Variants in LCP1 observed in about 807,000 individuals in gnomAD.
LCP1 encodes the protein lymphocyte cytosolic protein 1, also known as plastin-2.
Under a neutral mutation model 72.0 loss-of-function variants are expected in LCP1, and 23 were observed. The observed-to-expected ratio is 0.32, with a 90% CI of 0.23 to 0.45. LCP1 has a LOEUF of 0.45. Among genes scored for constraint, LCP1 ranks in the 20% least tolerant of loss-of-function variants. The pLI, the probability that LCP1 is intolerant of heterozygous loss-of-function variation, is 1.00. For missense variants in LCP1, 571 were observed against 748.3 expected, an observed-to-expected ratio of 0.76 and a Z score of 2.76; for synonymous variants, 245 against 275.4, an observed-to-expected ratio of 0.89 and a Z score of 1.09.
In LCP1 at chr13:46,156,448, T is replaced by C. The variant is rs2045801522; in HGVS notation, c.481A>G (p.Ile161Val). ...AGAAGTATTATTTACCAAAGGACAA[T>C]GCCATCTCCAACAGCATTAAAGAGA... ...NDLFNAVGDG[I>V]VLCKMINLSV... Residue 161 changes from isoleucine (I) to valine (V), a missense_variant, in exon 5 of 16, where the codon ATT (isoleucine) becomes GTT (valine). By Grantham distance (29) the Ile-to-Val change is conservative. Transcript: ENST00000323076. The C allele has an allele frequency of 6.2e-7, 1 of 1,613,766 alleles. No individual in the cohort carries two copies.
intron 8 of LCP1, among the ~76,000 whole-genome samples, chr13:46,149,205 C>A (rs182018492): frequency 7.9e-5 from 12 of 152,088 alleles, no homozygotes; most frequent in East Asian, 1.9e-4. Flanking sequence ...TCATAAAGAT[C>A]GAAAAATCAG....
chr13:46,178,289 C>T (rs982909270), intron 1 of LCP1, among the ~76,000 whole-genome samples: 1 of 152,078 alleles, frequency 6.6e-6, no homozygotes, highest in African/African-American at 2.4e-5. Context: ...CATCCCCCAC[C>T]GATATCTTAC....
At chr13:46,179,998 GCT>G (rs35686464) in intron 1 of LCP1, among the ~76,000 whole-genome samples, 9,291 of 149,720 alleles carry the variant, frequency 0.062, 383 homozygotes, top group African/African-American at 0.071. Context: ...TCTTTCTCTT[GCT>G]CTCTCTCTTT....
At chr13:46,176,098 C>T (rs2045928082) in intron 1 of LCP1, among the ~76,000 whole-genome samples, 2 of 152,032 alleles carry the variant, frequency 1.3e-5, no homozygotes, top group African/African-American at 4.8e-5. Flanking sequence ...TGTTTAGATA[C>T]AAAATTATAG....
intron 9 of LCP1, 119 bp downstream of exon 9, chr13:46,148,233 G>T: frequency 1.5e-6 from 1 of 669,804 alleles, no homozygotes; most frequent in Non-Finnish European, 2.6e-6. Context: ...CGTTTTAACA[G>T]GGCTTTAGGC....
intron 14 of LCP1, among the ~76,000 whole-genome samples, 199 bp downstream of exon 14, chr13:46,133,928 C>T (rs542318094): frequency 6.6e-6 from 1 of 151,998 alleles, no homozygotes; most frequent in African/African-American, 2.4e-5. Flanking sequence ...TTATGATTAA[C>T]TTATGGGAGA....
intron 7 of LCP1, among the ~76,000 whole-genome samples, chr13:46,152,076 T>C (rs1207604224): frequency 6.6e-6 from 1 of 152,244 alleles, no homozygotes. Flanking sequence ...TTTGGTATAC[T>C]TATCTTGGTA....
At chr13:46,136,645 G>A (rs1566434429) in intron 13 of LCP1, among the ~76,000 whole-genome samples, 1 of 152,048 alleles carries the variant, frequency 6.6e-6, no homozygotes, top group Non-Finnish European at 1.5e-5. Context: ...TCTTCATAAA[G>A]GTTACATTTT....
chr13:46,134,609 T>C lies in LCP1; in HGVS notation c.1503-359A>G, dbSNP rs944461283. 4.6e-5 allele frequency among the ~76,000 whole-genome samples: 7 copies of C among 152,284 alleles called. No homozygotes were observed. The South Asian group carries it at 1.0e-3, about 23-fold the overall frequency. Reference sequence around the variant, plus strand: ...TAAAAAATCAAGCAATAACTCAATGTTGGAAAAGTCTGAGTAGCCTACATG... The same window carrying C: ...TAAAAAATCAAGCAATAACTCAATGCTGGAAAAGTCTGAGTAGCCTACATG... On this transcript the variant is annotated intron_variant, in intron 13 of 15. Transcript: ENST00000323076.
chr13:46,181,315 T>C (rs1440321120), intron 1 of LCP1, among the ~76,000 whole-genome samples: 1 of 152,230 alleles, frequency 6.6e-6, no homozygotes, highest in African/African-American at 2.4e-5. Flanking sequence ...CCAAAGTGTC[T>C]ATGTTTGGGC....
intron 1 of LCP1, among the ~76,000 whole-genome samples, chr13:46,161,537 C>T (rs1044514808): frequency 6.6e-6 from 1 of 152,050 alleles, no homozygotes; most frequent in Non-Finnish European, 1.5e-5. Flanking sequence ...TTCTTGTCAT[C>T]TCTCTCTCTC....
intron 1 of LCP1, among the ~76,000 whole-genome samples, chr13:46,173,392 C>T (rs1372977360): frequency 1.3e-5 from 2 of 151,964 alleles, no homozygotes; most frequent in Admixed American, 6.6e-5. Flanking sequence ...ATATATACAA[C>T]AGTGCCTGGT....
chr13:46,158,717 A>G, intron 3 of LCP1, 66 bp from the exon 4 acceptor site: 1 of 1,607,166 alleles, frequency 6.2e-7, no homozygotes, highest in South Asian at 1.1e-5. Flanking sequence ...AGGAAAGAAT[A>G]TGTAATGTCG....
intron 1 of LCP1, among the ~76,000 whole-genome samples, chr13:46,171,151 G>A (rs2045902687): frequency 2.0e-5 from 3 of 152,198 alleles, no homozygotes; most frequent in South Asian, 4.1e-4. Flanking sequence ...TGTTTTACAT[G>A]CATTCACATT....
intron 1 of LCP1, among the ~76,000 whole-genome samples, chr13:46,166,184 A>G (rs1340419240): frequency 6.6e-6 from 1 of 152,244 alleles, no homozygotes; most frequent in Non-Finnish European, 1.5e-5. Flanking sequence ...AGTGCTGCAG[A>G]ATTTACAGAA....
chr13:46,159,619 C>G lies in LCP1; in HGVS notation c.44G>C (p.Arg15Thr), dbSNP rs2045825279. The change falls in exon 2 of 16, where the codon AGA becomes ACA. Residue 15 changes from arginine (R) to threonine (T), a missense_variant. Arg to Thr is a moderately conservative substitution (Grantham distance 71, BLOSUM62 -1). Transcript: ENST00000323076. Reference sequence around the variant, plus strand: ...CTCACCAACTTTGGCAAAAGCTTCTCTGAGCTCCATCATTTCCTCATCGGA... The same window carrying G: ...CTCACCAACTTTGGCAAAAGCTTCTGTGAGCTCCATCATTTCCTCATCGGA... ...SVSDEEMMEL[R>T]EAFAKVDTDG... 1 of 1,614,068 alleles carries G rather than the reference C, an allele frequency of 6.2e-7. No individual in the cohort carries two copies. Among genetic ancestry groups the G allele is most frequent in the African/African-American group, 1.3e-5 (1 of 74,940 alleles).
At chr13:46,144,044 C>A (rs755566455) in intron 11 of LCP1, among the ~76,000 whole-genome samples, 1 of 150,780 alleles carries the variant, frequency 6.6e-6, no homozygotes, top group Admixed American at 6.6e-5. Context: ...CCAGCCTGGG[C>A]GACAGAGCGA....
At chr13:46,166,790 G>T (rs1169768719) in intron 1 of LCP1, among the ~76,000 whole-genome samples, 2 of 152,066 alleles carry the variant, frequency 1.3e-5, no homozygotes, top group East Asian at 3.8e-4. Context: ...ACTTAATCCT[G>T]TCCCCTTCAT....
intron 1 of LCP1, among the ~76,000 whole-genome samples, chr13:46,166,583 A>G (rs749557102): frequency 1.3e-5 from 2 of 152,232 alleles, no homozygotes; most frequent in Non-Finnish European, 2.9e-5. Context: ...TACAACTTCC[A>G]AACATCTCAA....
Sources: allele counts gnomAD v4.1 joint callset (sites outside exome capture counted in the v4.1 genomes callset), GRCh38; gene constraint gnomAD v4.1.1; transcripts MANE v1.5; gene names NCBI Gene and HGNC (gene_info 2026-07-23, HGNC 2026-07-21).